The following MLLT3 variants were observed in gnomAD, a reference collection of about 807,000 sequenced individuals.
MLLT3 encodes MLLT3 super elongation complex subunit.
MLLT3 carries 4 observed loss-of-function variants against 53.2 expected under a neutral mutation model. The ratio of observed to expected loss-of-function variants is 0.08; its 90% CI spans 0.04 to 0.17. MLLT3 has a LOEUF of 0.17. Ranked by LOEUF, MLLT3 falls within the 10% of genes least tolerant of loss-of-function variation. The probability of loss-of-function intolerance (pLI) is 1.00; values close to 1 mark genes in which losing one functional copy is unlikely to be tolerated. For synonymous variants in MLLT3, 283 were observed against 230.6 expected (o/e 1.23, Z -2.06); for missense variants, 569 against 684.0 (o/e 0.83, Z 1.87).
intron 2 of MLLT3, among the ~76,000 whole-genome samples, chr9:20,587,301 A>G (rs1462069671): frequency 3.3e-5 from 5 of 151,900 alleles, no homozygotes; most frequent in Non-Finnish European, 7.4e-5. Flanking sequence ...CTTTTTCTTT[A>G]TTCACTCCTA....
At chr9:20,456,477 A>C (rs2118861354) in intron 3 of MLLT3, among the ~76,000 whole-genome samples, 1 of 152,328 alleles carries the variant, frequency 6.6e-6, no homozygotes, top group South Asian at 2.1e-4. Flanking sequence ...TTAAAGGAAC[A>C]CTTAATGAAT....
chr9:20,584,448 T>C (rs1819893013), intron 2 of MLLT3, among the ~76,000 whole-genome samples: 2 of 152,194 alleles, frequency 1.3e-5, no homozygotes, highest in African/African-American at 2.4e-5. Flanking sequence ...ATTTACTGTA[T>C]TAGTCCATTT....
intron 2 of MLLT3, among the ~76,000 whole-genome samples, chr9:20,548,896 C>T (rs566191869): frequency 1.3e-5 from 2 of 152,108 alleles, no homozygotes; most frequent in Non-Finnish European, 2.9e-5. Context: ...TCACTGCATC[C>T]TCGACCTCCC....
chr9:20,588,788 AC>A (rs1820047778), intron 2 of MLLT3, among the ~76,000 whole-genome samples: 1 of 152,218 alleles, frequency 6.6e-6, no homozygotes, highest in East Asian at 1.9e-4. Flanking sequence ...TCATCTGCAA[AC>A]AGGGACAATT....
At chr9:20,406,996 C>T (rs137872723) in intron 5 of MLLT3, among the ~76,000 whole-genome samples, 22 of 152,282 alleles carry the variant, frequency 1.4e-4, no homozygotes, top group Middle Eastern at 3.4e-3. Context: ...CCTCTGAGAA[C>T]AATTTCTCAA....
chr9:20,602,401 T>C (rs1820447616), intron 2 of MLLT3, among the ~76,000 whole-genome samples: 1 of 152,156 alleles, frequency 6.6e-6, no homozygotes, highest in Non-Finnish European at 1.5e-5. Context: ...AGGTTAAATG[T>C]GGTCAGAATT....
intron 2 of MLLT3, among the ~76,000 whole-genome samples, chr9:20,475,153 T>C (rs2118895328): frequency 6.6e-6 from 1 of 152,178 alleles, no homozygotes; most frequent in South Asian, 2.1e-4. Flanking sequence ...TATACAACTT[T>C]AAAGGCTCAA....
At position 20,575,976 on chromosome 9, in the gene MLLT3, C is replaced by T. The variant is rs569484879; in HGVS notation, c.193+44678G>A. 7.2e-5 allele frequency among the ~76,000 whole-genome samples: 11 copies of T among 152,336 alleles called. No individual in the cohort carries two copies. In the South Asian group the frequency reaches 2.1e-3, roughly 29 times the overall value. ...GTCCTAGATAACATCTTTTTCCAAT[C>T]GAAGGCCGTTTCACCTACATTGAAA... On this transcript the variant is annotated intron_variant, in intron 2 of 10. Transcript: ENST00000380338.
In MLLT3 at chr9:20,448,097, G is replaced by T; in HGVS notation, c.420+26C>A. On this transcript the variant is annotated intron_variant, in intron 4 of 10. Transcript: ENST00000380338. The surrounding 1 kb of genome is among the most constrained non-coding windows in gnomAD (Gnocchi z 4.0). ...GTTGTTGTTGTTTTTTAATAGGAAT[G>T]CTTTTCACAAGAGAGTGCCACTTAC... 2 of 1,578,740 alleles carry T rather than the reference G, an allele frequency of 1.3e-6. No individual in the cohort carries two copies. The highest frequency in any genetic ancestry group is 1.7e-6 in the Non-Finnish European group (2 of 1,164,076).
At chr9:20,418,763 C>T (rs896432578) in intron 4 of MLLT3, among the ~76,000 whole-genome samples, 1 of 152,084 alleles carries the variant, frequency 6.6e-6, no homozygotes, top group Non-Finnish European at 1.5e-5. Flanking sequence ...ACGACAGGTG[C>T]ACGTGCCACC....
intron 2 of MLLT3, among the ~76,000 whole-genome samples, chr9:20,581,583 A>G (rs965185029): frequency 6.6e-6 from 1 of 151,764 alleles, no homozygotes; most frequent in African/African-American, 2.4e-5. Context: ...GGGATGGTTG[A>G]CTCCTGTATA....
intron 2 of MLLT3, among the ~76,000 whole-genome samples, chr9:20,521,270 C>T (rs909040843): frequency 6.6e-6 from 1 of 151,998 alleles, no homozygotes; most frequent in Non-Finnish European, 1.5e-5. Context: ...GGGGTTTCGC[C>T]GTGTTGGCCA....
chr9:20,526,091 T>C lies in MLLT3; in HGVS notation c.194-69305A>G, dbSNP rs115396941. Among the ~76,000 whole-genome samples the C allele has an allele frequency of 4.5e-3, 680 of 152,228 alleles. 4 individuals carry two copies. Among genetic ancestry groups the C allele is most frequent in the African/African-American group, 0.014 (596 of 41,520 alleles). Reference sequence around the variant, plus strand: ...AAAAAAATTCCATAAAATACTAGGGTATAAAAATCACGTAAAACCAAAAGA... The same window carrying C: ...AAAAAAATTCCATAAAATACTAGGGCATAAAAATCACGTAAAACCAAAAGA... On this transcript the variant is annotated intron_variant, in intron 2 of 10. Transcript: ENST00000380338.
chr9:20,352,945 C>T (rs1821071192), intron 10 of MLLT3, among the ~76,000 whole-genome samples: 2 of 152,094 alleles, frequency 1.3e-5, no homozygotes, highest in South Asian at 2.1e-4. Context: ...TGAAAAACCA[C>T]CCTTCTTATC....
chr9:20,350,729 A>G (rs1394848284), intron 10 of MLLT3, among the ~76,000 whole-genome samples: 1 of 152,206 alleles, frequency 6.6e-6, no homozygotes, highest in Non-Finnish European at 1.5e-5. Flanking sequence ...TTCCTGCCAC[A>G]TCAGCCTTTC....
At chr9:20,566,389 T>G (rs1448599790) in intron 2 of MLLT3, among the ~76,000 whole-genome samples, 1 of 152,080 alleles carries the variant, frequency 6.6e-6, no homozygotes, top group African/African-American at 2.4e-5. Context: ...ATGTTCTTTT[T>G]AATTGCATGA....
chr9:20,392,365 A>G (rs2118723866), intron 5 of MLLT3, among the ~76,000 whole-genome samples: 1 of 152,304 alleles, frequency 6.6e-6, no homozygotes, highest in African/African-American at 2.4e-5. Flanking sequence ...AGAAGATGAT[A>G]GAACTGTAAT....
chr9:20,607,290 T>A (rs1184516764), intron 2 of MLLT3, among the ~76,000 whole-genome samples: 4 of 152,160 alleles, frequency 2.6e-5, no homozygotes, highest in African/African-American at 9.7e-5. Flanking sequence ...AAGACATCTA[T>A]ATAAATTAAC....
At chr9:20,439,455 G>A (rs1431011908) in intron 4 of MLLT3, among the ~76,000 whole-genome samples, 1 of 148,622 alleles carries the variant, frequency 6.7e-6, no homozygotes, top group African/African-American at 2.5e-5. Context: ...AAAAAAGCTA[G>A]TACATCATAC....
Sources: gnomAD v4.1 joint callset for allele counts (sites outside exome capture counted in the v4.1 genomes callset) on GRCh38, gnomAD v4.1.1 for gene constraint, Gnocchi (gnomAD v3.1) non-coding constraint, MANE v1.5 for transcripts, NCBI Gene and HGNC (gene_info 2026-07-23, HGNC 2026-07-21) for gene names.